RGS1: variants seen among roughly 807,000 people sequenced by gnomAD.
The protein encoded by RGS1 is regulator of G protein signaling 1.
In RGS1, 11 loss-of-function variants were observed where a neutral mutation model predicts 22.2. That is an observed-to-expected ratio of 0.50 (90% CI 0.31 to 0.82). RGS1 has a LOEUF of 0.82. Ranked by LOEUF, RGS1 falls within the 40% of genes least tolerant of loss-of-function variation. The pLI is 0.04. For synonymous variants in RGS1, 81 were observed against 79.9 expected (o/e 1.01, Z -0.07); for missense variants, 255 against 245.8 (o/e 1.04, Z -0.25).
intron 3 of RGS1, chr1:192,577,107 A>C: frequency 3.0e-6 from 1 of 336,842 alleles, no homozygotes; most frequent in Non-Finnish European, 5.3e-6. Flanking sequence ...TGGGATTCTG[A>C]TATGTAAAAA....
intron 4 of RGS1, 169 bp downstream of exon 4, chr1:192,578,554 T>C (rs1226682415): frequency 1.3e-6 from 1 of 766,164 alleles, no homozygotes; most frequent in Non-Finnish European, 2.0e-6. Flanking sequence ...TTTTCTATAT[T>C]GGTGAGGGTT....
chr1:192,578,063 T>G (rs1267014491), intron 3 of RGS1, 159 bp from the exon 4 acceptor site: 1 of 839,120 alleles, frequency 1.2e-6, no homozygotes, highest in Non-Finnish European at 1.8e-6. Context: ...ACTTCTCATC[T>G]CTACAATCTA....
chr1:192,577,203 A>G (rs1662076894), intron 3 of RGS1: 1 of 182,854 alleles, frequency 5.5e-6, no homozygotes, highest in East Asian at 1.4e-4. Context: ...CTTGGATGTA[A>G]CAAGTATGAT....
rs767199722 is a variant in RGS1 at position 192,578,042 on chromosome 1, A to C, written c.281-180A>C. On this transcript the variant is annotated intron_variant, in intron 3 of 4. Coordinates refer to ENST00000367459, the MANE Select transcript of RGS1 (RefSeq NM_002922.4). ...CAGATTCCTCTTCTATGAATGAAGA[A>C]ATTTCAAATGACTTCTCATCTCTAC... 8.0e-5 allele frequency: 56 copies of C among 703,894 alleles called. 1 individual carries two copies. Among genetic ancestry groups the C allele is most frequent in the Admixed American group, 6.3e-4 (18 of 28,494 alleles). 43.6% of individuals were successfully genotyped at this position (703,894 alleles called of 1,614,324 possible).
In RGS1 at chr1:192,579,220, A is replaced by G; in HGVS notation, c.528A>G (p.Lys176=). Residue 176 remains lysine, a synonymous_variant, in exon 5 of 5, where the codon AAA becomes AAG. Transcript: ENST00000367459. ...PTPTCFDEAQ[K]VIYTLMEKDS... ...CCACGTGTTTTGATGAAGCACAAAA[A>G]GTCATATATACTCTTATGGAAAAGG... 2 of 1,613,346 alleles carry G rather than the reference A, an allele frequency of 1.2e-6. No individual in the cohort carries two copies. Among genetic ancestry groups the G allele is most frequent in the Non-Finnish European group, 1.7e-6 (2 of 1,179,512 alleles).
chr1:192,578,421 A>G (rs749274050), intron 4 of RGS1, 36 bp downstream of exon 4: 1 of 1,605,338 alleles, frequency 6.2e-7, no homozygotes. Flanking sequence ...GTTTCTCCAT[A>G]AAAGACCCTA....
Position 192,578,321 on chromosome 1 carries a change from A to G in RGS1, c.380A>G (p.Asp127Gly), listed in dbSNP as rs1433572711. Residue 127 changes from aspartate (D) to glycine (G), a missense_variant, in exon 4 of 5, where the codon GAT (aspartate) becomes GGT (glycine). Asp to Gly is a moderately conservative substitution (Grantham distance 94). Transcript: ENST00000367459. ...ACEDYKKTES[D>G]LLPCKAEEIY... is the part of the protein sequence containing the mutation. ...GAAGACTATAAGAAAACAGAGTCTG[A>G]TCTTTTGCCCTGTAAAGCAGAAGAG... The G allele has an allele frequency of 3.1e-6, 5 of 1,613,064 alleles. No individual in the cohort carries two copies. Among genetic ancestry groups the G allele is most frequent in the Admixed American group, 1.7e-5 (1 of 59,910 alleles).
intron 2 of RGS1, 50 bp downstream of exon 2, chr1:192,576,415 T>C: frequency 2.2e-6 from 3 of 1,337,338 alleles, no homozygotes; most frequent in Non-Finnish European, 3.2e-6. Context: ...AAGAGAAGCC[T>C]ATGCATTATC....
chr1:192,576,730 C>T (rs1433925545), intron 2 of RGS1, 44 bp from the exon 3 acceptor site: 1 of 1,531,494 alleles, frequency 6.5e-7, no homozygotes, highest in Non-Finnish European at 9.0e-7. Context: ...TTTGTGCTTA[C>T]ATTTTAAAAA....
chr1:192,577,845 G>T (rs558888095), intron 3 of RGS1: 3 of 186,956 alleles, frequency 1.6e-5, no homozygotes, highest in Admixed American at 5.4e-5. Context: ...AATGCCTTTT[G>T]TCAGTGTTTG....
At position 192,575,941 on chromosome 1, in the gene RGS1, CAG is replaced by C; in HGVS notation, c.137+15_137+16del. ...AGGCCAAAGACTTTGTAAGTTTGTT[CAG>C]AGTCTCACTTTGTGAATTTTAACAA... On this transcript the variant is annotated intron_variant, in intron 1 of 4. Transcript: ENST00000367459. 6.2e-7 allele frequency: 1 copy of C among 1,612,048 alleles called. No individual in the cohort carries two copies. Among genetic ancestry groups the C allele is most frequent in the East Asian group, 2.2e-5 (1 of 44,792 alleles).
rs771753443 is a variant in RGS1, at chr1:192,578,327, T to C, written c.386T>C (p.Leu129Ser). 6.2e-7 allele frequency: 1 copy of C among 1,613,298 alleles called. No individual in the cohort carries two copies. The highest frequency in any genetic ancestry group is 8.5e-7 in the Non-Finnish European group (1 of 1,179,540). ...EDYKKTESDLLPCKAEEIYKA... is the reference protein window; with the variant it reads ...EDYKKTESDLSPCKAEEIYKA... ...TATAAGAAAACAGAGTCTGATCTTT[T>C]GCCCTGTAAAGCAGAAGAGATATAT... The change falls in exon 4 of 5, where the codon TTG (leucine) becomes TCG (serine). Residue 129 changes from leucine to serine, a missense_variant. Transcript: ENST00000367459.
chr1:192,579,308 A>G lies in RGS1; in HGVS notation c.616A>G (p.Asn206Asp). ...AAATCTTCTAAATGACCTGCAGGCT[A>G]ATAGCCTAAAGTGACTGGTCCCTGG... Reference protein sequence around the residue: ...YLNLLNDLQANSLK With the variant: ...YLNLLNDLQADSLK The change falls in exon 5 of 5, where the codon AAT (asparagine) becomes GAT (aspartate). Residue 206 changes from asparagine (N) to aspartate (D), a missense_variant. Physicochemically the swap from Asn to Asp is conservative, Grantham distance 23. Transcript: ENST00000367459. 1 of 1,612,664 alleles carries G rather than the reference A, an allele frequency of 6.2e-7. No homozygotes were observed. Among genetic ancestry groups the G allele is most frequent in the Non-Finnish European group, 8.5e-7 (1 of 1,179,124 alleles).
At chr1:192,578,008 G>T in intron 3 of RGS1, 1 of 563,024 alleles carries the variant, frequency 1.8e-6, no homozygotes, top group Non-Finnish European at 3.0e-6. Flanking sequence ...GAATGAGTTT[G>T]TCTGGCCCCA....
chr1:192,576,843 T>G lies in RGS1; in HGVS notation c.280+8T>G, dbSNP rs749426395. On this transcript the variant is annotated splice_region_variant and intron_variant, in intron 3 of 4. Coordinates refer to ENST00000367459, the MANE Select transcript of RGS1 (RefSeq NM_002922.4). ...AACTTCTTGCCAACCAAAGTAAGTA[T>G]AACTATTGAATGTTTCTGGGTTCAG... The G allele has an allele frequency of 2.5e-6, 4 of 1,609,172 alleles. No individual in the cohort carries two copies. In the African/African-American group the frequency reaches 5.4e-5, roughly 22 times the overall value.
chr1:192,579,014 G>A (rs1193016229), intron 4 of RGS1, 123 bp from the exon 5 acceptor site: 2 of 856,298 alleles, frequency 2.3e-6, no homozygotes, highest in Non-Finnish European at 3.6e-6. Flanking sequence ...GCATTTAAGA[G>A]ATATTTGAAT....
At chr1:192,577,571 G>A (rs1275127734) in intron 3 of RGS1, 1 of 152,366 alleles carries the variant, frequency 6.6e-6, no homozygotes, top group African/African-American at 2.4e-5. Flanking sequence ...TAAAGAGTGA[G>A]ATTATTCTTT....
Position 192,578,334 on chromosome 1 carries a change from T to C in RGS1, c.393T>C (p.Cys131=), listed in dbSNP as rs1455458143. ...YKKTESDLLP[C]KAEEIYKAFV... Reference sequence around the variant, plus strand: ...AAACAGAGTCTGATCTTTTGCCCTGTAAAGCAGAAGAGATATATAAAGCAT... The same window carrying C: ...AAACAGAGTCTGATCTTTTGCCCTGCAAAGCAGAAGAGATATATAAAGCAT... The change falls in exon 4 of 5, where the codon TGT becomes TGC. Residue 131 remains cysteine (C), a synonymous_variant. Transcript: ENST00000367459. The C allele has an allele frequency of 1.2e-6, 2 of 1,613,242 alleles. No homozygotes were observed. The highest frequency in any genetic ancestry group is 1.7e-6 in the Non-Finnish European group (2 of 1,179,540).
Position 192,579,684 on chromosome 1 carries a change from A to G in RGS1, c.*362A>G, listed in dbSNP as rs868179934. 1.5e-4 allele frequency: 28 copies of G among 185,664 alleles called. No homozygotes were observed. The highest frequency in any genetic ancestry group is 6.4e-4 in the African/African-American group (27 of 42,152). The allele number at this position is 185,664 out of a possible 1,614,324, so 11.5% of individuals were successfully genotyped here. ...AGACTGTAAGAATCAAAGTCAACTG[A>G]CATCTATGCTACATATTATTATATA... On this transcript the variant is annotated 3_prime_UTR_variant, in exon 5 of 5. Transcript: ENST00000367459.
Sources: allele counts gnomAD v4.1 joint callset, GRCh38; gene constraint gnomAD v4.1.1; transcripts MANE v1.5; gene names NCBI Gene and HGNC (gene_info 2026-07-23, HGNC 2026-07-21).